The following NCALD variants were observed in gnomAD, a reference collection of about 807,000 sequenced individuals.
NCALD encodes neurocalcin delta, also known as neurocalcin-delta.
A neutral mutation model predicts 18.6 loss-of-function variants in NCALD; 10 were observed. The ratio of observed to expected loss-of-function variants is 0.54; its 90% CI spans 0.33 to 0.91. The LOEUF is 0.91. Ranked by LOEUF, NCALD falls within the 40% of genes least tolerant of loss-of-function variation. NCALD has a pLI of 0.03. For synonymous variants in NCALD, 88 were observed against 87.4 expected (o/e 1.01, Z -0.04); for missense variants, 184 against 247.6 (o/e 0.74, Z 1.72).
At chr8:102,057,285 CAT>C (rs1491018785) in intron 1 of NCALD, among the ~76,000 whole-genome samples, 24 of 151,188 alleles carry the variant, frequency 1.6e-4, no homozygotes, top group African/African-American at 5.4e-4. Flanking sequence ...CACACACACA[CAT>C]ATGTACATAT....
At chr8:101,757,398 A>G (rs1372548748) in intron 1 of NCALD, among the ~76,000 whole-genome samples, 1 of 152,218 alleles carries the variant, frequency 6.6e-6, no homozygotes, top group Admixed American at 6.5e-5. Context: ...TCTCTCCGGA[A>G]CTTAAAACAG....
intron 1 of NCALD, among the ~76,000 whole-genome samples, chr8:102,114,670 A>G (rs1825733039): frequency 2.0e-5 from 3 of 152,158 alleles, no homozygotes. Context: ...AGGGGAATAA[A>G]TACCCTACCT....
At chr8:101,988,955 T>C (rs755688842) in intron 2 of NCALD, among the ~76,000 whole-genome samples, 39 of 135,564 alleles carry the variant, frequency 2.9e-4, no homozygotes, top group Non-Finnish European at 5.5e-4. Context: ...GAGATAGCAA[T>C]GGAAAGAGAG....
intron 2 of NCALD, among the ~76,000 whole-genome samples, chr8:101,700,913 C>T (rs528419166): frequency 2.0e-5 from 3 of 152,318 alleles, no homozygotes; most frequent in East Asian, 3.9e-4. Flanking sequence ...GGAGGCACCA[C>T]GTCTGAGTGT....
intron 2 of NCALD, among the ~76,000 whole-genome samples, chr8:102,000,346 G>A (rs1482772314): frequency 2.6e-5 from 4 of 152,256 alleles, no homozygotes; most frequent in East Asian, 3.9e-4. Context: ...CGCCATTGCC[G>A]AGGGGTGCCC....
chr8:102,048,108 ATAAT>A (rs1214818917), intron 1 of NCALD, among the ~76,000 whole-genome samples: 14 of 152,348 alleles, frequency 9.2e-5, no homozygotes, highest in Non-Finnish European at 1.8e-4. Context: ...ACATAAAAAT[ATAAT>A]TAATTAACTA....
chr8:102,124,547 G>C (rs1488663149), upstream of NCALD: 1 of 136,408 alleles, frequency 7.3e-6, no homozygotes, highest in African/African-American at 2.7e-5. Context: ...GTGTCCCCAC[G>C]GTGCCCCATA....
chr8:101,942,121 TC>T (rs1818980516), intron 2 of NCALD, among the ~76,000 whole-genome samples: 1 of 152,204 alleles, frequency 6.6e-6, no homozygotes, highest in Admixed American at 6.5e-5. Flanking sequence ...ATCATTCATT[TC>T]CAACACTGTA....
chr8:101,712,808 A>C (rs1053597963), intron 2 of NCALD, among the ~76,000 whole-genome samples: 2 of 152,176 alleles, frequency 1.3e-5, no homozygotes, highest in Non-Finnish European at 1.5e-5. Flanking sequence ...AAAGAGACTT[A>C]TACTCCCACA....
At chr8:101,825,724 G>C (rs565424030) in intron 4 of NCALD, among the ~76,000 whole-genome samples, 1 of 152,110 alleles carries the variant, frequency 6.6e-6, no homozygotes, top group Non-Finnish European at 1.5e-5. Context: ...TAAAGCAGGG[G>C]TCTGTGAACT....
chr8:102,055,469 A>T (rs1823620049), intron 1 of NCALD, among the ~76,000 whole-genome samples: 1 of 152,180 alleles, frequency 6.6e-6, no homozygotes, highest in East Asian at 1.9e-4. Flanking sequence ...AATATTAGCT[A>T]TGATTAAGGA....
At chr8:102,011,284 T>A (rs569235287) in intron 2 of NCALD, among the ~76,000 whole-genome samples, 2 of 152,290 alleles carry the variant, frequency 1.3e-5, no homozygotes, top group South Asian at 4.1e-4. Flanking sequence ...TCTCCATAGA[T>A]CCTCAATATT....
At chr8:101,794,780 C>T (rs1032717043), upstream of NCALD, among the ~76,000 whole-genome samples, 1 of 152,110 alleles carries the variant, frequency 6.6e-6, no homozygotes, top group South Asian at 2.1e-4. Flanking sequence ...ATAGCAGAGC[C>T]AGGATTTATA....
intron 4 of NCALD, among the ~76,000 whole-genome samples, chr8:101,860,088 T>C (rs1815478667): frequency 6.6e-6 from 1 of 152,206 alleles, no homozygotes; most frequent in Non-Finnish European, 1.5e-5. Context: ...TGGAACATTG[T>C]CTTCAAAATG....
chr8:101,739,954 C>T lies in NCALD; in HGVS notation c.-19-20306G>A, dbSNP rs1222601662. Among the ~76,000 whole-genome samples the T allele has an allele frequency of 4.6e-5, 7 of 152,328 alleles. No homozygotes were observed. In the East Asian group the frequency reaches 1.4e-3, roughly 29 times the overall value. ...ATACACCCTGCTAAAATGGAGGCTT[C>T]ATGAGGCCATTGATTTGGGTCTGTT... On this transcript the variant is annotated intron_variant, in intron 1 of 3. Coordinates refer to ENST00000220931, the MANE Select transcript of NCALD (RefSeq NM_032041.3).
chr8:101,952,114 C>T (rs562507092), intron 2 of NCALD, among the ~76,000 whole-genome samples: 3 of 152,280 alleles, frequency 2.0e-5, no homozygotes, highest in Admixed American at 1.3e-4. Context: ...GGCAGGAGGG[C>T]AAGTGGGAAC....
At chr8:101,940,443 G>A (rs931231746) in intron 2 of NCALD, among the ~76,000 whole-genome samples, 1 of 152,196 alleles carries the variant, frequency 6.6e-6, no homozygotes. Context: ...ATTTTAGATA[G>A]CCTCAACATG....
chr8:101,933,729 CT>C (rs1586780924), intron 2 of NCALD, among the ~76,000 whole-genome samples: 1 of 152,054 alleles, frequency 6.6e-6, no homozygotes, highest in Non-Finnish European at 1.5e-5. Context: ...AAGGACCTGT[CT>C]TGGGGGTTGG....
intron 1 of NCALD, among the ~76,000 whole-genome samples, chr8:102,074,811 G>A (rs1274651274): frequency 6.6e-6 from 1 of 152,118 alleles, no homozygotes; most frequent in Non-Finnish European, 1.5e-5. Flanking sequence ...CTAGAACAGT[G>A]GTTTTTTAAT....
Sources: gnomAD v4.1 joint callset for allele counts (sites outside exome capture counted in the v4.1 genomes callset) on GRCh38, gnomAD v4.1.1 for gene constraint, MANE v1.5 for transcripts, NCBI Gene and HGNC (gene_info 2026-07-23, HGNC 2026-07-21) for gene names.